Variants in CLSTN2 observed in about 807,000 individuals in gnomAD.
CLSTN2 encodes calsyntenin 2.
In CLSTN2, 48 loss-of-function variants were observed where a neutral mutation model predicts 101.2. The ratio of observed to expected loss-of-function variants is 0.47; its 90% confidence interval spans 0.38 to 0.60. The LOEUF (loss-of-function observed/expected upper bound fraction) is 0.60, where lower values mean the gene tolerates loss of function less well. CLSTN2 is among the 20% of genes least tolerant of loss of function. CLSTN2 has a pLI of 0.00. For missense variants in CLSTN2, 1,160 were observed against 1,238.2 expected (o/e 0.94, Z 0.95); for synonymous variants, 481 against 463.6 (o/e 1.04, Z -0.48).
chr3:140,229,700 C>T (rs917563430), intron 2 of CLSTN2, among the ~76,000 whole-genome samples: 2 of 151,990 alleles, frequency 1.3e-5, no homozygotes, highest in African/African-American at 4.8e-5. Context: ...AAACCCTGCT[C>T]CCGCTCTCAC....
At chr3:140,180,643 C>A (rs2107831392) in intron 2 of CLSTN2, among the ~76,000 whole-genome samples, 1 of 152,208 alleles carries the variant, frequency 6.6e-6, no homozygotes, top group Non-Finnish European at 1.5e-5. Context: ...AATTAGATTG[C>A]CTTTCAGAGA....
chr3:140,240,134 T>TTCTCTCTCTCTCTCTCTC lies in CLSTN2; in HGVS notation c.232+64078_232+64079insCTCTCTCTCTCTCTCTCT, dbSNP rs1370229338. Among the ~76,000 whole-genome samples the TTCTCTCTCTCTCTCTCTC allele has an allele frequency of 5.8e-4, 12 of 20,524 alleles. 5 individuals carry two copies. Among genetic ancestry groups the TTCTCTCTCTCTCTCTCTC allele is most frequent in the East Asian group, 7.2e-3 (2 of 276 alleles). 13.5% of individuals were successfully genotyped at this position (20,524 alleles called of 152,430 possible). On this transcript the variant is annotated intron_variant, in intron 2 of 16. Transcript: ENST00000458420. ...AAGCTATACCTTAATTGCACCTGGT[T>TTCTCTCTCTCTCTCTCTC]TCTCTCTCTCTCTCTCTGTCTCTCT...
chr3:140,470,335 G>C (rs1458244642), intron 8 of CLSTN2, among the ~76,000 whole-genome samples: 1 of 152,252 alleles, frequency 6.6e-6, no homozygotes, highest in African/African-American at 2.4e-5. Flanking sequence ...GTGGGCTGGG[G>C]CCGGATCAGG....
chr3:140,371,660 C>G (rs1412785207), intron 2 of CLSTN2, among the ~76,000 whole-genome samples: 1 of 152,216 alleles, frequency 6.6e-6, no homozygotes, highest in Non-Finnish European at 1.5e-5. Flanking sequence ...TAGATCCTTA[C>G]TTTCAGCTGA....
At chr3:140,382,771 C>T (rs1274027139) in intron 2 of CLSTN2, among the ~76,000 whole-genome samples, 1 of 152,192 alleles carries the variant, frequency 6.6e-6, no homozygotes, top group Middle Eastern at 3.2e-3. Flanking sequence ...TTACGGACTG[C>T]TGGCTTCTTA....
chr3:140,378,993 T>C (rs541178414), intron 2 of CLSTN2, among the ~76,000 whole-genome samples: 279 of 152,294 alleles, frequency 1.8e-3, no homozygotes, highest in Non-Finnish European at 3.0e-3. Flanking sequence ...GAAATGAGCT[T>C]GAGATCTGAA....
At position 140,568,282 on chromosome 3, in the gene CLSTN2, G is replaced by A. The variant is rs1028615843; in HGVS notation, c.*2029G>A. 1 of 152,168 alleles carries A rather than the reference G, an allele frequency of 6.6e-6. No homozygotes were observed. The highest frequency in any genetic ancestry group is 1.5e-5 in the Non-Finnish European group (1 of 68,038). 9.4% of individuals were successfully genotyped at this position (152,168 alleles called of 1,614,324 possible). A position where few individuals can be genotyped will look rare whatever the true frequency, so the allele number is the denominator to read the frequency against. On this transcript the variant is annotated 3_prime_UTR_variant, in exon 17 of 17. Transcript: ENST00000458420. ...CCTTCCCTACATTATATTTGCAGAC[G>A]GGAAATAAACAGGCCTAGAAATTAC...
chr3:140,150,991 T>A (rs975401251), intron 1 of CLSTN2, among the ~76,000 whole-genome samples: 2 of 151,992 alleles, frequency 1.3e-5, no homozygotes, highest in Non-Finnish European at 2.9e-5. Context: ...AAGGGCTCCT[T>A]ATGGTTTTAT....
intron 2 of CLSTN2, among the ~76,000 whole-genome samples, chr3:140,276,757 T>G (rs1349722218): frequency 6.6e-6 from 1 of 152,196 alleles, no homozygotes; most frequent in Non-Finnish European, 1.5e-5. Context: ...CTAGTATGGT[T>G]GGTCTCCAGT....
intron 1 of CLSTN2, among the ~76,000 whole-genome samples, chr3:140,055,693 G>C (rs1413624186): frequency 6.6e-6 from 1 of 152,124 alleles, no homozygotes; most frequent in Non-Finnish European, 1.5e-5. Flanking sequence ...CTGTCTCCTT[G>C]AACAACAACA....
chr3:140,441,846 C>T (rs1335786779), intron 5 of CLSTN2, among the ~76,000 whole-genome samples: 1 of 152,190 alleles, frequency 6.6e-6, no homozygotes, highest in Non-Finnish European at 1.5e-5. Flanking sequence ...CTCCAAAGTG[C>T]CTCACACTAC....
At chr3:140,059,082 C>T (rs950721109) in intron 1 of CLSTN2, among the ~76,000 whole-genome samples, 6 of 152,212 alleles carry the variant, frequency 3.9e-5, no homozygotes, top group African/African-American at 1.4e-4. Flanking sequence ...CATCAGATTC[C>T]CTGGGTTCAA....
At chr3:140,438,545 T>A (rs1461820864) in intron 5 of CLSTN2, among the ~76,000 whole-genome samples, 1 of 149,292 alleles carries the variant, frequency 6.7e-6, no homozygotes, top group Non-Finnish European at 1.5e-5. Flanking sequence ...TCAAAAAGAT[T>A]GAAAAATATG....
At position 140,041,016 on chromosome 3, in the gene CLSTN2, G is replaced by A. The variant is rs78613147; in HGVS notation, c.109+105533G>A. Among the ~76,000 whole-genome samples the A allele has an allele frequency of 2.2e-4, 33 of 152,242 alleles. No individual in the cohort carries two copies. The East Asian group carries it at 6.0e-3, about 28-fold the overall frequency. On this transcript the variant is annotated intron_variant, in intron 1 of 16. Coordinates refer to ENST00000458420, the MANE Select transcript of CLSTN2 (RefSeq NM_022131.3). ...AAGTGCTCTCCAAATCAGACGGCCC[G>A]AGTGGAGAAAAGGCACAGTAATAAA...
intron 1 of CLSTN2, among the ~76,000 whole-genome samples, chr3:139,965,114 G>A (rs983872287): frequency 2.0e-5 from 3 of 152,190 alleles, no homozygotes; most frequent in Admixed American, 6.5e-5. Flanking sequence ...TTTGCATGGT[G>A]TTATTTGGTG....
intron 1 of CLSTN2, among the ~76,000 whole-genome samples, chr3:140,089,894 G>A (rs2008746479): frequency 6.7e-6 from 1 of 150,128 alleles, no homozygotes; most frequent in Non-Finnish European, 1.5e-5. Flanking sequence ...CACAAAACAT[G>A]GCTTAACAGT....
chr3:140,051,547 G>T (rs1375543326), intron 1 of CLSTN2, among the ~76,000 whole-genome samples: 1 of 152,172 alleles, frequency 6.6e-6, no homozygotes, highest in African/African-American at 2.4e-5. Flanking sequence ...TCTGCTGGCT[G>T]CAAGGGGCCA....
intron 8 of CLSTN2, among the ~76,000 whole-genome samples, chr3:140,487,435 A>C (rs73231229): frequency 1.2e-3 from 184 of 152,364 alleles, no homozygotes; most frequent in Non-Finnish European, 2.2e-3. Flanking sequence ...TAAGCTAATT[A>C]AAGGTAAAAC....
At chr3:140,377,723 A>C (rs1440580684) in intron 2 of CLSTN2, among the ~76,000 whole-genome samples, 1 of 152,228 alleles carries the variant, frequency 6.6e-6, no homozygotes, top group Non-Finnish European at 1.5e-5. Flanking sequence ...AATATTTAAA[A>C]GCTTATAAAG....
Sources: gnomAD v4.1 joint callset for allele counts (sites outside exome capture counted in the v4.1 genomes callset) on GRCh38, gnomAD v4.1.1 for gene constraint, MANE v1.5 for transcripts, NCBI Gene and HGNC (gene_info 2026-07-23, HGNC 2026-07-21) for gene names.